GULP1: variants seen among roughly 807,000 people sequenced by gnomAD.
GULP1 encodes the protein GULP PTB domain containing engulfment adaptor 1.
Under a neutral mutation model 40.9 loss-of-function variants are expected in GULP1, and 19 were observed. The ratio of observed to expected loss-of-function variants is 0.46; its 90% confidence interval spans 0.32 to 0.68. The LOEUF (loss-of-function observed/expected upper bound fraction) is 0.68. GULP1 is among the 30% of genes least tolerant of loss of function. The probability of loss-of-function intolerance (pLI) is 0.03; values close to 1 mark genes in which losing one functional copy is unlikely to be tolerated. For synonymous variants in GULP1, 119 were observed against 117.6 expected, an observed-to-expected ratio of 1.01 and a Z score of -0.08; for missense variants, 312 against 362.2, an observed-to-expected ratio of 0.86 and a Z score of 1.12.
At chr2:188,296,534 G>A (rs755008663) in intron 1 of GULP1, among the ~76,000 whole-genome samples, 16 of 151,544 alleles carry the variant, frequency 1.1e-4, no homozygotes, top group Non-Finnish European at 1.5e-4. Context: ...GTATAGTTAT[G>A]GCGAATTTGA....
chr2:188,436,151 A>G (rs971639053), intron 2 of GULP1, among the ~76,000 whole-genome samples: 1 of 152,008 alleles, frequency 6.6e-6, no homozygotes, highest in African/African-American at 2.4e-5. Flanking sequence ...GTGGGCAAGG[A>G]TCTTGGGGTC....
intron 7 of GULP1, among the ~76,000 whole-genome samples, chr2:188,547,341 T>C (rs1393657933): frequency 6.6e-6 from 1 of 151,992 alleles, no homozygotes; most frequent in Non-Finnish European, 1.5e-5. Context: ...TAGTCAGGGT[T>C]CTCTAGATGG....
intron 1 of GULP1, among the ~76,000 whole-genome samples, chr2:188,355,548 A>G (rs2045173498): frequency 6.6e-6 from 1 of 151,974 alleles, no homozygotes; most frequent in Admixed American, 6.6e-5. Context: ...TCTCCCACCA[A>G]AGAAAATTCT....
At chr2:188,448,676 G>A (rs2058596424) in intron 2 of GULP1, among the ~76,000 whole-genome samples, 2 of 152,192 alleles carry the variant, frequency 1.3e-5, no homozygotes, top group Admixed American at 6.5e-5. Context: ...TATGGTTTGA[G>A]TATTTGTTCT....
At chr2:188,505,241 A>G (rs1403896526) in intron 4 of GULP1, among the ~76,000 whole-genome samples, 3 of 151,754 alleles carry the variant, frequency 2.0e-5, no homozygotes, top group Non-Finnish European at 4.4e-5. Flanking sequence ...CTGAAGTGGT[A>G]TGTGTTTTCC....
intron 1 of GULP1, among the ~76,000 whole-genome samples, chr2:188,333,793 G>T (rs2041928073): frequency 6.6e-6 from 1 of 152,114 alleles, no homozygotes. Flanking sequence ...ACAGCAGTTT[G>T]AAACCATATG....
intron 2 of GULP1, among the ~76,000 whole-genome samples, chr2:188,417,593 A>G (rs1194810137): frequency 6.6e-6 from 1 of 152,216 alleles, no homozygotes; most frequent in African/African-American, 2.4e-5. Flanking sequence ...ATTAAAAACT[A>G]TTCTCTTGTA....
chr2:188,571,152 G>C (rs1442488711), intron 9 of GULP1, among the ~76,000 whole-genome samples: 1 of 151,990 alleles, frequency 6.6e-6, no homozygotes, highest in African/African-American at 2.4e-5. Flanking sequence ...GAAAGACTCT[G>C]TTTCAAAAAA....
intron 2 of GULP1, among the ~76,000 whole-genome samples, chr2:188,423,130 T>C (rs1445708534): frequency 6.6e-6 from 1 of 152,098 alleles, no homozygotes; most frequent in Non-Finnish European, 1.5e-5. Context: ...TTCCACCAGC[T>C]AAGGGTGAAC....
chr2:188,490,299 T>G (rs994392185), intron 4 of GULP1, among the ~76,000 whole-genome samples: 1 of 152,160 alleles, frequency 6.6e-6, no homozygotes, highest in African/African-American at 2.4e-5. Flanking sequence ...TATCCGATCC[T>G]GTTCAACATC....
rs141940397 is a variant in GULP1 at position 188,433,071 on chromosome 2, G to A, written c.-44-44588G>A. Among the ~76,000 whole-genome samples the A allele has an allele frequency of 3.7e-3, 563 of 152,176 alleles. 3 individuals are homozygous for A. The highest frequency in any genetic ancestry group is 0.013 in the African/African-American group (531 of 41,530). ...TTAAAGCAGGCAGAAAAAGAAAACAGAGAAACAGATAACTTAGCTTTGAAG... is the reference window on the plus strand; with the variant it reads ...TTAAAGCAGGCAGAAAAAGAAAACAAAGAAACAGATAACTTAGCTTTGAAG... On this transcript the variant is annotated intron_variant, in intron 2 of 11. Coordinates refer to ENST00000409830, the MANE Select transcript of GULP1 (RefSeq NM_016315.4).
chr2:188,349,720 G>T (rs1210995431), intron 1 of GULP1, among the ~76,000 whole-genome samples: 2 of 152,080 alleles, frequency 1.3e-5, no homozygotes, highest in African/African-American at 4.8e-5. Flanking sequence ...GAAAATATTT[G>T]ATGATGTATA....
At chr2:188,465,266 A>G (rs2060018902) in intron 2 of GULP1, among the ~76,000 whole-genome samples, 2 of 152,100 alleles carry the variant, frequency 1.3e-5, no homozygotes, top group African/African-American at 4.8e-5. Flanking sequence ...TCAAGGCAGT[A>G]GGTTCCTTTC....
intron 1 of GULP1, among the ~76,000 whole-genome samples, chr2:188,352,649 C>CACACACACAT (rs374718200): frequency 1.1e-4 from 16 of 146,114 alleles, no homozygotes; most frequent in African/African-American, 1.5e-4. Context: ...CACACACACA[C>CACACACACAT]GGTTCTGTTT....
intron 2 of GULP1, among the ~76,000 whole-genome samples, chr2:188,441,975 T>TA (rs2057978459): frequency 6.6e-6 from 1 of 152,146 alleles, no homozygotes; most frequent in Non-Finnish European, 1.5e-5. Flanking sequence ...TTCAAAAACA[T>TA]AAAAAATAGC....
At chr2:188,398,078 T>C (rs952862230) in intron 2 of GULP1, among the ~76,000 whole-genome samples, 2 of 145,304 alleles carry the variant, frequency 1.4e-5, no homozygotes, top group Non-Finnish European at 2.9e-5. Context: ...TCCAAAGACA[T>C]GTGTATTTAA....
intron 2 of GULP1, among the ~76,000 whole-genome samples, chr2:188,399,689 A>AG (rs2051845025): frequency 1.5e-5 from 2 of 135,144 alleles, no homozygotes; most frequent in Non-Finnish European, 3.2e-5. Flanking sequence ...TGTCCCTACA[A>AG]GAAAAAAAAA....
intron 7 of GULP1, among the ~76,000 whole-genome samples, chr2:188,543,240 C>G (rs551332594): frequency 6.6e-6 from 1 of 152,108 alleles, no homozygotes; most frequent in East Asian, 1.9e-4. Context: ...GAAGCCTAAG[C>G]AGTGGTTCAC....
intron 4 of GULP1, among the ~76,000 whole-genome samples, chr2:188,485,673 A>G (rs2061803551): frequency 1.3e-5 from 2 of 152,122 alleles, no homozygotes; most frequent in South Asian, 4.1e-4. Flanking sequence ...ACACTTATTT[A>G]CTGTATGCCT....
Sources: gnomAD v4.1 joint callset for allele counts (sites outside exome capture counted in the v4.1 genomes callset) on GRCh38, gnomAD v4.1.1 for gene constraint, MANE v1.5 for transcripts, NCBI Gene and HGNC (gene_info 2026-07-23, HGNC 2026-07-21) for gene names.